Variants in TMCO5A observed in about 807,000 individuals in gnomAD.
TMCO5A encodes transmembrane and coiled-coil domains 5A.
TMCO5A carries 34 observed loss-of-function variants against 42.3 expected under a neutral mutation model. That is an observed-to-expected ratio of 0.80 (90% CI 0.61 to 1.07). TMCO5A has a LOEUF of 1.07. Among genes scored for constraint, TMCO5A ranks in the 50% least tolerant of loss-of-function variants. TMCO5A has a pLI of 0.00. For synonymous variants in TMCO5A, 131 were observed against 115.6 expected (o/e 1.13, Z -0.86); for missense variants, 357 against 327.9 (o/e 1.09, Z -0.69).
chr15:37,956,381 A>G (rs1444112618), downstream of TMCO5A, among the ~76,000 whole-genome samples: 1 of 152,126 alleles, frequency 6.6e-6, no homozygotes, highest in Non-Finnish European at 1.5e-5. Flanking sequence ...AGAGAATCAA[A>G]TAGACGCAAT....
chr15:38,003,886 T>TC, the TMCO5A span, among the ~76,000 whole-genome samples: 1 of 152,114 alleles, frequency 6.6e-6, no homozygotes, highest in Non-Finnish European at 1.5e-5. Context: ...CTTGGTGCTC[T>TC]ACACCGCTGA....
At chr15:38,004,334 G>A in the TMCO5A span, among the ~76,000 whole-genome samples, 1 of 152,014 alleles carries the variant, frequency 6.6e-6, no homozygotes, top group Non-Finnish European at 1.5e-5. Flanking sequence ...GCAGAAGGAA[G>A]AAGTTTCTCC....
At chr15:37,957,760 C>A (rs928898041) in intron 11 of TMCO5A, among the ~76,000 whole-genome samples, 6 of 151,854 alleles carry the variant, frequency 4.0e-5, no homozygotes, top group South Asian at 2.1e-4. Context: ...CATATGGAAC[C>A]AAAAAAGAGC....
the TMCO5A span, chr15:38,025,122 G>A: frequency 6.6e-6 from 1 of 151,942 alleles, no homozygotes; most frequent in Non-Finnish European, 1.5e-5. Flanking sequence ...TCCCTTCTTG[G>A]ACTTTTCTGG....
chr15:37,983,688 A>G, the TMCO5A span, among the ~76,000 whole-genome samples: 3 of 151,608 alleles, frequency 2.0e-5, no homozygotes, highest in Non-Finnish European at 4.4e-5. Flanking sequence ...ATAAGATCCC[A>G]GTCTTGTGAG....
downstream of TMCO5A, among the ~76,000 whole-genome samples, chr15:37,967,894 C>T (rs1439501512): frequency 6.6e-6 from 1 of 152,118 alleles, no homozygotes; most frequent in East Asian, 1.9e-4. Flanking sequence ...TTTGTGAGAA[C>T]ACATAATGTC....
At chr15:38,024,347 A>G in the TMCO5A span, among the ~76,000 whole-genome samples, 1 of 152,228 alleles carries the variant, frequency 6.6e-6, no homozygotes, top group Non-Finnish European at 1.5e-5. Flanking sequence ...CAGAACTGTC[A>G]GGTGTTGGAG....
At chr15:37,999,142 G>A in the TMCO5A span, among the ~76,000 whole-genome samples, 2 of 152,204 alleles carry the variant, frequency 1.3e-5, no homozygotes, top group Non-Finnish European at 2.9e-5. Context: ...CCGACCTCAG[G>A]TGATCTGCCT....
intron 11 of TMCO5A, among the ~76,000 whole-genome samples, chr15:37,965,514 C>A (rs1890535383): frequency 6.6e-6 from 1 of 152,112 alleles, no homozygotes; most frequent in African/African-American, 2.4e-5. Context: ...ACTCTTCGGA[C>A]AAGGGATTAA....
At chr15:38,035,252 G>A in the TMCO5A span, among the ~76,000 whole-genome samples, 39 of 152,284 alleles carry the variant, frequency 2.6e-4, no homozygotes, top group African/African-American at 7.5e-4. Context: ...ATTCAGCTAC[G>A]TATTGGCTTG....
At chr15:38,014,363 C>T in the TMCO5A span, among the ~76,000 whole-genome samples, 9 of 152,238 alleles carry the variant, frequency 5.9e-5, no homozygotes, top group South Asian at 8.3e-4. Context: ...CACCAAGATA[C>T]GATCGATTAC....
intron 9 of TMCO5A, 128 bp from the exon 10 acceptor site, chr15:37,943,213 G>A (rs1363257987): frequency 2.7e-6 from 2 of 733,170 alleles, no homozygotes; most frequent in Non-Finnish European, 2.1e-6. Flanking sequence ...AATAGCTATA[G>A]GTAGACAGTA....
chr15:38,015,758 G>A, the TMCO5A span, among the ~76,000 whole-genome samples: 3 of 152,156 alleles, frequency 2.0e-5, no homozygotes, highest in African/African-American at 7.2e-5. Flanking sequence ...GTCATAAAAA[G>A]AGATGGAGGA....
chr15:37,990,997 T>C, the TMCO5A span, among the ~76,000 whole-genome samples: 3 of 152,094 alleles, frequency 2.0e-5, no homozygotes, highest in Non-Finnish European at 4.4e-5. Context: ...GTTTTATGCA[T>C]CAATTTTATA....
chr15:37,959,050 A>G (rs1222906941), intron 11 of TMCO5A, among the ~76,000 whole-genome samples: 4 of 152,086 alleles, frequency 2.6e-5, no homozygotes, highest in African/African-American at 9.7e-5. Flanking sequence ...GTTCTCACTC[A>G]TAAGTGGGAG....
At position 37,951,241 on chromosome 15, in the gene TMCO5A, A is replaced by G; in HGVS notation, c.*7A>G. 6.2e-7 allele frequency: 1 copy of G among 1,613,010 alleles called. No homozygotes were observed. Among genetic ancestry groups the G allele is most frequent in the Non-Finnish European group, 8.5e-7 (1 of 1,179,382 alleles). Reference sequence around the variant, plus strand: ...GGACATGTTACCCCACTGATTCCCTAAGAAATATCCTTGAGCAATAGAAGG... The same window carrying G: ...GGACATGTTACCCCACTGATTCCCTGAGAAATATCCTTGAGCAATAGAAGG... On this transcript the variant is annotated 3_prime_UTR_variant, in exon 12 of 12. Transcript: ENST00000319669.
chr15:38,017,257 C>T, the TMCO5A span, among the ~76,000 whole-genome samples: 1 of 152,076 alleles, frequency 6.6e-6, no homozygotes, highest in Non-Finnish European at 1.5e-5. Context: ...AAAACTTCTG[C>T]CTCCTAATAC....
At chr15:38,008,087 G>A in the TMCO5A span, among the ~76,000 whole-genome samples, 23 of 151,524 alleles carry the variant, frequency 1.5e-4, no homozygotes, top group Non-Finnish European at 2.8e-4. Flanking sequence ...AGTAGAGATG[G>A]GGTTTCACCA....
intron 4 of TMCO5A, 104 bp from the exon 5 acceptor site, chr15:37,937,242 A>C: frequency 7.3e-7 from 1 of 1,370,818 alleles, no homozygotes; most frequent in Non-Finnish European, 1.0e-6. Context: ...AATAAGGTCA[A>C]GTTACTGCAG....
Sources: allele counts gnomAD v4.1 joint callset (sites outside exome capture counted in the v4.1 genomes callset), GRCh38; gene constraint gnomAD v4.1.1; transcripts MANE v1.5; gene names NCBI Gene and HGNC (gene_info 2026-07-23, HGNC 2026-07-21).